Variants in GPHN observed in about 807,000 individuals in gnomAD.
GPHN encodes gephyrin.
GPHN carries 17 observed loss-of-function variants against 95.5 expected under a neutral mutation model. That is an observed-to-expected ratio of 0.18 (90% CI 0.12 to 0.27). GPHN has a LOEUF of 0.27. GPHN is among the 10% of genes least tolerant of loss of function. GPHN has a pLI of 1.00. For synonymous variants in GPHN, 320 were observed against 322.5 expected (o/e 0.99, Z 0.08); for missense variants, 660 against 978.1 (o/e 0.67, Z 4.34).
At chr14:67,600,225 G>T in the GPHN span, 5 of 1,543,624 alleles carry the variant, frequency 3.2e-6, no homozygotes, top group Non-Finnish European at 3.5e-6. Context: ...TCGGCCGCCC[G>T]CACCGCGCGG....
Position 66,881,350 on chromosome 14 carries a change from A to G in GPHN, c.389+1317A>G, listed in dbSNP as rs188350020. ...ATTACTTATATTACCTACACCAATG[A>G]GGTCAGGGGATCCCGTTTTTCCTAT... On this transcript the variant is annotated intron_variant, in intron 5 of 22. Transcript: ENST00000478722. Among the ~76,000 whole-genome samples, 13 of 151,954 alleles carry G rather than the reference A, an allele frequency of 8.6e-5. No homozygotes were observed. The East Asian group carries it at 9.6e-4, about 11-fold the overall frequency.
intron 12 of GPHN, among the ~76,000 whole-genome samples, chr14:67,093,278 C>T (rs1567320217): frequency 6.6e-6 from 1 of 152,058 alleles, no homozygotes; most frequent in South Asian, 2.1e-4. Context: ...TACCCATTAA[C>T]TTACCCCCTG....
chr14:67,313,594 A>G, the GPHN span, among the ~76,000 whole-genome samples: 2 of 152,228 alleles, frequency 1.3e-5, no homozygotes, highest in Non-Finnish European at 2.9e-5. Flanking sequence ...AAGCTATCGG[A>G]GAAGGCAAAG....
intron 8 of GPHN, among the ~76,000 whole-genome samples, chr14:66,942,237 C>A (rs1335995593): frequency 1.3e-5 from 2 of 152,228 alleles, no homozygotes; most frequent in Admixed American, 6.5e-5. Context: ...GTCTCAAACT[C>A]CATACCTCAG....
chr14:67,473,736 A>T, the GPHN span: 1 of 1,612,726 alleles, frequency 6.2e-7, no homozygotes, highest in Non-Finnish European at 8.5e-7. This position sits in a 1 kb window ranked among gnomAD's most constrained non-coding sequence, Gnocchi z 6.5. Context: ...CCGCAGGTAC[A>T]TGCGCTCCAC....
chr14:66,539,268 G>A (rs2059257777), intron 1 of GPHN, among the ~76,000 whole-genome samples: 1 of 151,952 alleles, frequency 6.6e-6, no homozygotes, highest in Non-Finnish European at 1.5e-5. Context: ...TAATACTGAG[G>A]GAGATTTCAC....
At chr14:66,916,120 C>T (rs778026964) in intron 6 of GPHN, 51 bp downstream of exon 6, 16 of 1,257,336 alleles carry the variant, frequency 1.3e-5, no homozygotes, top group East Asian at 7.0e-5. Flanking sequence ...TTTGACCAGC[C>T]GTGAAAGTTA....
At chr14:66,802,908 T>A (rs2060411734) in intron 3 of GPHN, among the ~76,000 whole-genome samples, 1 of 152,070 alleles carries the variant, frequency 6.6e-6, no homozygotes, top group African/African-American at 2.4e-5. Context: ...AAGCTGTGCA[T>A]CCTGGGGTTA....
intron 3 of GPHN, among the ~76,000 whole-genome samples, chr14:66,800,674 T>C (rs1372332920): frequency 6.6e-6 from 1 of 152,132 alleles, no homozygotes; most frequent in Non-Finnish European, 1.5e-5. Context: ...TATTAAATAA[T>C]CTTAGGGTTC....
At chr14:66,573,450 C>CTTT (rs369274048) in intron 1 of GPHN, among the ~76,000 whole-genome samples, 10 of 137,456 alleles carry the variant, frequency 7.3e-5, no homozygotes, top group Admixed American at 1.5e-4. Flanking sequence ...ATATAATAAC[C>CTTT]TTTTTTTTTT....
chr14:66,884,792 A>G (rs1471353148), intron 5 of GPHN, among the ~76,000 whole-genome samples: 1 of 145,936 alleles, frequency 6.9e-6, no homozygotes, highest in Non-Finnish European at 1.5e-5. Flanking sequence ...ACTCACACAT[A>G]TGTGTGTGTG....
chr14:66,615,223 AC>A (rs1168338920), intron 1 of GPHN, among the ~76,000 whole-genome samples: 2 of 152,162 alleles, frequency 1.3e-5, no homozygotes, highest in Non-Finnish European at 2.9e-5. Flanking sequence ...TTGGGTATAT[AC>A]CCAGTGATGG....
intron 1 of GPHN, among the ~76,000 whole-genome samples, chr14:66,623,219 T>A (rs1348586524): frequency 2.0e-5 from 3 of 151,852 alleles, no homozygotes; most frequent in Non-Finnish European, 4.4e-5. Context: ...TTTAAAACAA[T>A]CAGATTTCAT....
the GPHN span, among the ~76,000 whole-genome samples, chr14:67,685,865 C>G: frequency 3.2e-3 from 493 of 152,238 alleles, 17 homozygotes; most frequent in East Asian, 0.081. Flanking sequence ...ATCTGCCCAC[C>G]TCGGCCTCCC....
At chr14:66,888,455 G>T (rs2064311700) in intron 5 of GPHN, among the ~76,000 whole-genome samples, 1 of 152,074 alleles carries the variant, frequency 6.6e-6, no homozygotes. Context: ...TAACTAAAAG[G>T]GGTGAGGGAC....
At chr14:67,275,315 A>G in the GPHN span, among the ~76,000 whole-genome samples, 23 of 152,172 alleles carry the variant, frequency 1.5e-4, no homozygotes, top group Non-Finnish European at 2.9e-4. Flanking sequence ...GTTTATTGAG[A>G]GTTTTTAGCA....
the GPHN span, among the ~76,000 whole-genome samples, chr14:67,319,695 G>A: frequency 1.3e-5 from 2 of 151,908 alleles, no homozygotes; most frequent in Admixed American, 6.6e-5. Context: ...ATTCAAAGCC[G>A]TCCTGGGCTG....
chr14:67,685,021 T>A, the GPHN span: 1 of 1,607,306 alleles, frequency 6.2e-7, no homozygotes, highest in Non-Finnish European at 8.5e-7. Flanking sequence ...ATACCTGAAA[T>A]GATTCCCACT....
the GPHN span, among the ~76,000 whole-genome samples, chr14:67,331,024 T>G: frequency 6.6e-6 from 1 of 152,040 alleles, no homozygotes; most frequent in Non-Finnish European, 1.5e-5. Flanking sequence ...TTTATTCTAC[T>G]TAAGTTTTTT....
Sources: gnomAD v4.1 joint callset for allele counts (sites outside exome capture counted in the v4.1 genomes callset) on GRCh38, gnomAD v4.1.1 for gene constraint, Gnocchi (gnomAD v3.1) non-coding constraint, MANE v1.5 for transcripts, NCBI Gene and HGNC (gene_info 2026-07-23, HGNC 2026-07-21) for gene names.